The following BTRC variants were observed in gnomAD, a reference collection of about 807,000 sequenced individuals.
BTRC encodes F-box/WD repeat-containing protein 1A.
BTRC carries 42 observed loss-of-function variants against 85.5 expected under a neutral mutation model. The observed-to-expected ratio is 0.49, with a 90% CI of 0.38 to 0.64. The LOEUF (loss-of-function observed/expected upper bound fraction) is 0.64. BTRC is among the 30% of genes least tolerant of loss of function. BTRC has a pLI of 0.00. For missense variants in BTRC, 594 were observed against 743.5 expected (o/e 0.80, Z 2.34); for synonymous variants, 255 against 263.3 (o/e 0.97, Z 0.30).
At chr10:101,502,340 A>C (rs903746187) in intron 4 of BTRC, among the ~76,000 whole-genome samples, 1 of 151,976 alleles carries the variant, frequency 6.6e-6, no homozygotes, top group African/African-American at 2.4e-5. Context: ...CCTTCCCTGA[A>C]GTTGGGTGTT....
At chr10:101,361,273 A>T (rs2134476575) in intron 1 of BTRC, among the ~76,000 whole-genome samples, 1 of 151,766 alleles carries the variant, frequency 6.6e-6, no homozygotes, top group Non-Finnish European at 1.5e-5. Flanking sequence ...CACCTGGCTA[A>T]TTTTTTGTAT....
chr10:101,526,593 A>G (rs1245766816), intron 6 of BTRC, among the ~76,000 whole-genome samples: 3 of 152,210 alleles, frequency 2.0e-5, no homozygotes, highest in Non-Finnish European at 4.4e-5. Context: ...CAGCCTGGCC[A>G]ACGTGGCGAA....
intron 1 of BTRC, among the ~76,000 whole-genome samples, chr10:101,387,256 T>C (rs1943102865): frequency 6.6e-6 from 1 of 151,778 alleles, no homozygotes; most frequent in Non-Finnish European, 1.5e-5. Context: ...TATACTGATA[T>C]TGTGATACAT....
At chr10:101,483,095 A>G (rs1169119826) in intron 4 of BTRC, among the ~76,000 whole-genome samples, 1 of 152,208 alleles carries the variant, frequency 6.6e-6, no homozygotes. Flanking sequence ...AAAAGCAGCA[A>G]TGGTATTATG....
intron 1 of BTRC, among the ~76,000 whole-genome samples, chr10:101,366,815 TATA>T (rs1942402655): frequency 1.8e-5 from 1 of 55,382 alleles, no homozygotes; most frequent in African/African-American, 9.8e-5. Context: ...TATATTTATA[TATA>T]TTAATATATA....
At chr10:101,414,503 AT>A (rs1320556664) in intron 1 of BTRC, among the ~76,000 whole-genome samples, 4 of 152,160 alleles carry the variant, frequency 2.6e-5, no homozygotes, top group Non-Finnish European at 4.4e-5. Flanking sequence ...ACTGTACAGT[AT>A]TTTTTATTGT....
intron 2 of BTRC, among the ~76,000 whole-genome samples, chr10:101,452,552 T>C (rs528465240): frequency 5.3e-5 from 8 of 152,372 alleles, no homozygotes; most frequent in South Asian, 4.1e-4. Flanking sequence ...TGTAGTGTTA[T>C]ATGATTAGTG....
chr10:101,499,051 T>C (rs1946337108), intron 4 of BTRC, among the ~76,000 whole-genome samples: 1 of 152,040 alleles, frequency 6.6e-6, no homozygotes, highest in Non-Finnish European at 1.5e-5. Flanking sequence ...ATGTACATGC[T>C]AGATCCTGTT....
intron 1 of BTRC, among the ~76,000 whole-genome samples, chr10:101,421,788 A>G (rs1006366679): frequency 2.6e-5 from 4 of 151,732 alleles, no homozygotes; most frequent in African/African-American, 4.8e-5. Flanking sequence ...ATGTCCCTAC[A>G]AAGGGCATGA....
intron 1 of BTRC, among the ~76,000 whole-genome samples, chr10:101,402,781 A>G (rs1943523684): frequency 6.6e-6 from 1 of 152,216 alleles, no homozygotes; most frequent in Non-Finnish European, 1.5e-5. Context: ...ATGCCTTCTC[A>G]GTTGTCATGA....
intron 1 of BTRC, among the ~76,000 whole-genome samples, chr10:101,410,980 A>G (rs1253487860): frequency 6.9e-6 from 1 of 144,862 alleles, no homozygotes; most frequent in Non-Finnish European, 1.5e-5. Flanking sequence ...AAATATTGAC[A>G]TTTGTATTTC....
At chr10:101,487,426 GC>G (rs1382005684) in intron 4 of BTRC, among the ~76,000 whole-genome samples, 4 of 152,166 alleles carry the variant, frequency 2.6e-5, no homozygotes, top group Non-Finnish European at 4.4e-5. Context: ...AACAAATGCA[GC>G]CTTCTTTGAC....
At chr10:101,358,423 G>T (rs1942106265) in intron 1 of BTRC, among the ~76,000 whole-genome samples, 1 of 152,088 alleles carries the variant, frequency 6.6e-6, no homozygotes, top group Non-Finnish European at 1.5e-5. Flanking sequence ...TTAAAAACAG[G>T]ATAAATATAT....
Position 101,541,754 on chromosome 10 carries a change from T to C in BTRC, c.1656+3383T>C, listed in dbSNP as rs142346659. 3.5e-4 allele frequency among the ~76,000 whole-genome samples: 53 copies of C among 152,334 alleles called. No individual in the cohort carries two copies. In the East Asian group the frequency reaches 9.1e-3, roughly 26 times the overall value. ...ACATTGAATTTTTTTTAGCTTTAAATCCTTTGCATTGCTGGTATAAACACC... is the reference window on the plus strand; with the variant it reads ...ACATTGAATTTTTTTTAGCTTTAAACCCTTTGCATTGCTGGTATAAACACC... On this transcript the variant is annotated intron_variant, in intron 13 of 14. Transcript: ENST00000370187.
At chr10:101,531,393 G>T in intron 7 of BTRC, 60 bp downstream of exon 7, 2 of 1,289,228 alleles carry the variant, frequency 1.6e-6, no homozygotes, top group Non-Finnish European at 2.2e-6. Flanking sequence ...GCATTCTTCA[G>T]TCACAGTATG....
intron 4 of BTRC, among the ~76,000 whole-genome samples, chr10:101,521,299 G>A (rs1389331649): frequency 6.6e-6 from 1 of 152,184 alleles, no homozygotes; most frequent in East Asian, 1.9e-4. Flanking sequence ...GCAAGTAATT[G>A]TATAAATGTC....
intron 1 of BTRC, among the ~76,000 whole-genome samples, chr10:101,362,111 C>T (rs1228925647): frequency 4.7e-5 from 7 of 150,006 alleles, no homozygotes; most frequent in African/African-American, 1.7e-4. Flanking sequence ...CAGGCACGTA[C>T]CACCACACCC....
chr10:101,387,547 G>T (rs1436615007), intron 1 of BTRC, among the ~76,000 whole-genome samples: 8 of 14,660 alleles, frequency 5.5e-4, no homozygotes, highest in East Asian at 6.8e-3. Flanking sequence ...TTTTTTTTTT[G>T]AGATAGCCTC....
intron 4 of BTRC, among the ~76,000 whole-genome samples, chr10:101,520,135 T>TTTTGTTTGTTTG (rs111689841): frequency 2.6e-5 from 4 of 151,036 alleles, no homozygotes; most frequent in East Asian, 1.9e-4. Flanking sequence ...TTTGCTTGTA[T>TTTTGTTTGTTTG]TTTGTTTGTT....
Sources: gnomAD v4.1 joint callset for allele counts (sites outside exome capture counted in the v4.1 genomes callset) on GRCh38, gnomAD v4.1.1 for gene constraint, MANE v1.5 for transcripts, NCBI Gene and HGNC (gene_info 2026-07-23, HGNC 2026-07-21) for gene names.